The following GALNT12 variants were observed in gnomAD, a reference collection of about 807,000 sequenced individuals.
GALNT12 encodes polypeptide N-acetylgalactosaminyltransferase 12, also known as UDP-GalNAc:polypeptide N-acetylgalactosaminyltransferase 12.
A neutral mutation model predicts 55.5 loss-of-function variants in GALNT12; 45 were observed. The observed-to-expected ratio is 0.81, with a 90% CI of 0.64 to 1.04. The LOEUF (loss-of-function observed/expected upper bound fraction) is 1.04, where lower values mean the gene tolerates loss of function less well. Ranked by LOEUF, GALNT12 falls within the 50% of genes least tolerant of loss-of-function variation. GALNT12 has a pLI of 0.00. For synonymous variants in GALNT12, 304 were observed against 312.2 expected, an observed-to-expected ratio of 0.97 and a Z score of 0.28; for missense variants, 709 against 754.8, an observed-to-expected ratio of 0.94 and a Z score of 0.71.
intron 1 of GALNT12, among the ~76,000 whole-genome samples, chr9:98,810,270 G>A (rs1335488575): frequency 6.6e-6 from 1 of 152,118 alleles, no homozygotes; most frequent in Non-Finnish European, 1.5e-5. Context: ...GTTGCAGGAG[G>A]GAGGGCCCTG....
Position 98,849,783 on chromosome 9 carries a change from G to A in GALNT12, c.*691G>A. ...AACTTGAGAGCGAACTTCTAACAAT[G>A]CCGCACTGTAGTGTGGCTGGTTCTA... On this transcript the variant is annotated 3_prime_UTR_variant, in exon 10 of 10. Coordinates refer to ENST00000375011, the MANE Select transcript of GALNT12 (RefSeq NM_024642.5). 1 of 393,854 alleles carries A rather than the reference G, an allele frequency of 2.5e-6. No individual in the cohort carries two copies. The highest frequency in any genetic ancestry group is 4.5e-6 in the Non-Finnish European group (1 of 223,910). 24.4% of individuals were successfully genotyped at this position (393,854 alleles called of 1,614,324 possible). A position where few individuals can be genotyped will look rare whatever the true frequency, so the allele number is the denominator to read the frequency against.
intron 1 of GALNT12, among the ~76,000 whole-genome samples, chr9:98,819,234 TC>T (rs1206010586): frequency 2.0e-5 from 3 of 152,216 alleles, no homozygotes; most frequent in African/African-American, 7.2e-5. Flanking sequence ...ATAGCCTCTG[TC>T]TAAGAGATGG....
At chr9:98,815,673 ATTTC>A (rs1384335999) in intron 1 of GALNT12, among the ~76,000 whole-genome samples, 4 of 152,242 alleles carry the variant, frequency 2.6e-5, no homozygotes, top group Non-Finnish European at 2.9e-5. Context: ...TAAAAATAAT[ATTTC>A]TTTGTGATTA....
chr9:98,816,651 CTTTTTTTTT>C (rs374259532), intron 1 of GALNT12, among the ~76,000 whole-genome samples: 1 of 138,634 alleles, frequency 7.2e-6, no homozygotes, highest in African/African-American at 2.7e-5. Flanking sequence ...AAGCAATTAA[CTTTTTTTTT>C]TTTTTTTTGA....
At chr9:98,829,171 A>G (rs1200208290) in intron 3 of GALNT12, among the ~76,000 whole-genome samples, 1 of 149,834 alleles carries the variant, frequency 6.7e-6, no homozygotes, top group African/African-American at 2.5e-5. Flanking sequence ...CTATCTATCT[A>G]TCTATCTATC....
intron 2 of GALNT12, among the ~76,000 whole-genome samples, chr9:98,825,315 C>G (rs1835833290): frequency 6.6e-6 from 1 of 152,206 alleles, no homozygotes; most frequent in Non-Finnish European, 1.5e-5. Flanking sequence ...TCTGACACAT[C>G]TCAGTTCTCT....
intron 3 of GALNT12, among the ~76,000 whole-genome samples, chr9:98,827,417 TCTCAAACTCCTGAC>T (rs972195597): frequency 7.9e-5 from 12 of 152,154 alleles, no homozygotes; most frequent in African/African-American, 2.2e-4. Context: ...GTCAGGCTGG[TCTCAAACTCCTGAC>T]CTCAAACTCC....
At chr9:98,813,991 C>T (rs1193106210) in intron 1 of GALNT12, among the ~76,000 whole-genome samples, 2 of 151,972 alleles carry the variant, frequency 1.3e-5, no homozygotes, top group Non-Finnish European at 2.9e-5. Flanking sequence ...TGCAAACTGC[C>T]TTAAATATAA....
intron 5 of GALNT12, among the ~76,000 whole-genome samples, chr9:98,836,184 C>T (rs189693635): frequency 6.6e-6 from 1 of 152,220 alleles, no homozygotes; most frequent in Admixed American, 6.5e-5. Flanking sequence ...TCTACATGGC[C>T]CGTGAAAACC....
chr9:98,845,639 T>C (rs1374469207), intron 8 of GALNT12, among the ~76,000 whole-genome samples: 2 of 152,088 alleles, frequency 1.3e-5, no homozygotes, highest in African/African-American at 4.8e-5. Flanking sequence ...CCCCAAGAGC[T>C]AGTGCTGCGA....
intron 2 of GALNT12, among the ~76,000 whole-genome samples, chr9:98,823,748 CA>C (rs1373736196): frequency 6.6e-6 from 1 of 152,192 alleles, no homozygotes; most frequent in Non-Finnish European, 1.5e-5. Context: ...GGCTTAAGTG[CA>C]AGCTTGATGG....
intron 1 of GALNT12, among the ~76,000 whole-genome samples, chr9:98,809,215 A>G (rs1314148646): frequency 2.0e-5 from 3 of 152,168 alleles, no homozygotes; most frequent in Non-Finnish European, 4.4e-5. Flanking sequence ...TGGAATGAGG[A>G]TGCCCCACCT....
At chr9:98,845,909 C>A (rs1279850214) in intron 8 of GALNT12, 68 bp from the exon 9 acceptor site, 3 of 1,554,820 alleles carry the variant, frequency 1.9e-6, no homozygotes, top group African/African-American at 2.7e-5. Flanking sequence ...AGGTTCTTGT[C>A]CAGCGATCTT....
At chr9:98,831,567 C>T (rs569407622) in intron 3 of GALNT12, among the ~76,000 whole-genome samples, 20 of 152,304 alleles carry the variant, frequency 1.3e-4, no homozygotes, top group Admixed American at 1.1e-3. Context: ...TTAAAGCCCT[C>T]CGTGGCCCCC....
chr9:98,814,007 A>T (rs1437528811), intron 1 of GALNT12, among the ~76,000 whole-genome samples: 1 of 152,204 alleles, frequency 6.6e-6, no homozygotes, highest in Admixed American at 6.5e-5. Context: ...TATAAAAGAA[A>T]ATATATTGGG....
chr9:98,807,744 C>T lies in GALNT12; in HGVS notation c.46C>T (p.Arg16Cys), dbSNP rs2118255139. 8 of 1,187,926 alleles carry T rather than the reference C, an allele frequency of 6.7e-6. No homozygotes were observed. Among genetic ancestry groups the T allele is most frequent in the East Asian group, 4.9e-5 (1 of 20,558 alleles). The allele number at this position is 1,187,926 out of a possible 1,614,324, so 73.6% of individuals were successfully genotyped here. ...GCGGCGCTGCCCGCGGGAACTGCGG[C>T]GCGGCCGGGAGGCGCTGTTGGTGCT... Reference protein sequence around the residue: ...ARRRCPRELRRGREALLVLLA... With the variant: ...ARRRCPRELRCGREALLVLLA... Residue 16 changes from arginine to cysteine, a missense_variant, in exon 1 of 10, where the codon CGC becomes TGC. By Grantham distance (180) the Arg-to-Cys change is radical. Around this residue, in one of 5 missense-constraint regions of GALNT12, gnomAD observed 110 missense variants for 102.2 expected, o/e 1.08. Coordinates refer to ENST00000375011, the MANE Select transcript of GALNT12 (RefSeq NM_024642.5).
In GALNT12 at chr9:98,849,367, C is replaced by T; in HGVS notation, c.*275C>T. On this transcript the variant is annotated 3_prime_UTR_variant, in exon 10 of 10. Coordinates refer to ENST00000375011, the MANE Select transcript of GALNT12 (RefSeq NM_024642.5). ...CCCTTGGTATTTAGAAAATTAAAAC[C>T]TTATAATATTTTTCTATCAAGATGT... 1 of 572,738 alleles carries T rather than the reference C, an allele frequency of 1.7e-6. No homozygotes were observed. The highest frequency in any genetic ancestry group is 3.1e-6 in the Non-Finnish European group (1 of 325,504). The allele number at this position is 572,738 out of a possible 1,614,324, so 35.5% of individuals were successfully genotyped here. A position where few individuals can be genotyped will look rare whatever the true frequency, so the allele number is the denominator to read the frequency against.
At chr9:98,840,862 T>G (rs1224745215) in intron 7 of GALNT12, among the ~76,000 whole-genome samples, 1 of 152,204 alleles carries the variant, frequency 6.6e-6, no homozygotes, top group African/African-American at 2.4e-5. Context: ...CTCCACATTT[T>G]CCTCTTTTTA....
At chr9:98,826,265 A>G (rs562087508) in intron 2 of GALNT12, among the ~76,000 whole-genome samples, 2 of 152,282 alleles carry the variant, frequency 1.3e-5, no homozygotes, top group South Asian at 2.1e-4. Flanking sequence ...TTGGCACAGC[A>G]AGTCCTCTTT....
Sources: gnomAD v4.1 joint callset for allele counts (sites outside exome capture counted in the v4.1 genomes callset) on GRCh38, gnomAD v4.1.1 for gene constraint, gnomAD v4.1.1 regional missense constraint, MANE v1.5 for transcripts, NCBI Gene and HGNC (gene_info 2026-07-23, HGNC 2026-07-21) for gene names.